CPSF2: variants seen among roughly 807,000 people sequenced by gnomAD.
CPSF2 encodes cleavage and polyadenylation specific factor 2.
In CPSF2, 51 loss-of-function variants were observed where a neutral mutation model predicts 84.2. The observed-to-expected ratio is 0.61, with a 90% CI of 0.48 to 0.77. The LOEUF (loss-of-function observed/expected upper bound fraction) is 0.77, where lower values mean the gene tolerates loss of function less well. CPSF2 is among the 30% of genes least tolerant of loss of function. CPSF2 has a pLI of 0.00. For synonymous variants in CPSF2, 286 were observed against 311.9 expected (o/e 0.92, Z 0.87); for missense variants, 641 against 929.4 (o/e 0.69, Z 4.03).
At chr14:92,143,436 G>T in intron 9 of CPSF2, 142 bp downstream of exon 9, 1 of 673,520 alleles carries the variant, frequency 1.5e-6, no homozygotes, top group Admixed American at 3.0e-5. Flanking sequence ...AGGAGTGGTG[G>T]TGTGTGCTGT....
Position 92,134,341 on chromosome 14 carries a change from T to C in CPSF2, c.401T>C (p.Ile134Thr). The change falls in exon 5 of 16, where the codon ATT becomes ACT. Residue 134 changes from isoleucine to threonine, a missense_variant. Ile to Thr is a moderately conservative substitution (Grantham distance 89, BLOSUM62 -1). Transcript: ENST00000298875. The stretch of plus-strand genomic sequence containing the variant: ...ATACAGCAGCTAAAATTCTCTCAGA[T>C]TGTGAATTTGAAAGGTAAAAAGAAT... ...DKIQQLKFSQ[I>T]VNLKGKGHGL... is the part of the protein sequence containing the mutation. The C allele has an allele frequency of 6.2e-7, 1 of 1,609,180 alleles. No homozygotes were observed. The highest frequency in any genetic ancestry group is 8.5e-7 in the Non-Finnish European group (1 of 1,176,926).
intron 9 of CPSF2, among the ~76,000 whole-genome samples, chr14:92,147,505 A>G (rs1161057762): frequency 2.6e-5 from 4 of 152,204 alleles, no homozygotes; most frequent in Non-Finnish European, 5.9e-5. Context: ...TAAATGAAAA[A>G]TAAGATGGAG....
At chr14:92,152,169 G>A (rs986426882) in intron 9 of CPSF2, among the ~76,000 whole-genome samples, 5 of 151,418 alleles carry the variant, frequency 3.3e-5, no homozygotes, top group African/African-American at 1.2e-4. Flanking sequence ...CGCTCTTGTT[G>A]CCCAGGCTGG....
intron 9 of CPSF2, among the ~76,000 whole-genome samples, chr14:92,148,334 T>G (rs1375219263): frequency 6.6e-6 from 1 of 152,200 alleles, no homozygotes; most frequent in Admixed American, 6.6e-5. Context: ...AAATATTTTA[T>G]CATTATCTCT....
rs765578064 is a variant in CPSF2 at position 92,157,635 on chromosome 14, T to TCA, written c.1596-24_1596-23insCA. ...TTTTAGAATTATGAGAAAAGTAATC[T>TCA]TGAATAATCATATCTAATTACAGAG... On this transcript the variant is annotated intron_variant, in intron 12 of 15. Coordinates refer to ENST00000298875, the MANE Select transcript of CPSF2 (RefSeq NM_017437.3). This position sits in a 1 kb window ranked among gnomAD's most constrained non-coding sequence, Gnocchi z 4.0. The TCA allele has an allele frequency of 6.4e-7, 1 of 1,555,124 alleles. No homozygotes were observed. Among genetic ancestry groups the TCA allele is most frequent in the South Asian group, 1.1e-5 (1 of 88,606 alleles).
chr14:92,156,302 A>T (rs2069289217), intron 11 of CPSF2, among the ~76,000 whole-genome samples, 177 bp from the exon 12 acceptor site: 1 of 152,126 alleles, frequency 6.6e-6, no homozygotes, highest in Admixed American at 6.6e-5. Context: ...AAAACCAAAA[A>T]ACGCAATACA....
intron 2 of CPSF2, among the ~76,000 whole-genome samples, chr14:92,128,064 T>C (rs1420753572): frequency 6.6e-6 from 1 of 152,114 alleles, no homozygotes; most frequent in Non-Finnish European, 1.5e-5. Flanking sequence ...CCTTTGGCCA[T>C]GAATTTAAAG....
chr14:92,156,499 C>T lies in CPSF2; in HGVS notation c.1463C>T (p.Pro488Leu). 1 of 1,611,192 alleles carries T rather than the reference C, an allele frequency of 6.2e-7. No homozygotes were observed. The highest frequency in any genetic ancestry group is 8.5e-7 in the Non-Finnish European group (1 of 1,179,212). ...EIIKPEDFLV[P>L]ELQATEEEKS... ...TTTAGACCAGAGGATTTCTTAGTGCCAGAGCTTCAAGCTACTGAAGAAGAA... is the reference window on the plus strand; with the variant it reads ...TTTAGACCAGAGGATTTCTTAGTGCTAGAGCTTCAAGCTACTGAAGAAGAA... Residue 488 changes from proline (P) to leucine (L), a missense_variant, in exon 12 of 16, where the codon CCA (proline) becomes CTA (leucine). Pro to Leu is a moderately conservative substitution (Grantham distance 98). Around this residue, in one of 2 missense-constraint regions of CPSF2, gnomAD observed 430 missense variants for 553.6 expected, o/e 0.78. Transcript: ENST00000298875.
Position 92,159,256 on chromosome 14 carries a change from A to G in CPSF2, c.2095A>G (p.Thr699Ala), listed in dbSNP as rs149068504. The change falls in exon 14 of 16, where the codon ACT becomes GCT. Residue 699 changes from threonine to alanine, a missense_variant. By Grantham distance (58) the Thr-to-Ala change is moderately conservative (BLOSUM62 0). Transcript: ENST00000298875. The part of the protein sequence containing the change: ...ETGEESEIIP[T>A]LEPLPPHEVP... ...AGGTGAAGAAAGTGAGATCATTCCTACTTTGGAACCCTTGCCACCTCATGA... is the reference window on the plus strand; with the variant it reads ...AGGTGAAGAAAGTGAGATCATTCCTGCTTTGGAACCCTTGCCACCTCATGA... 3 of 1,605,258 alleles carry G rather than the reference A, an allele frequency of 1.9e-6. No individual in the cohort carries two copies. The highest frequency in any genetic ancestry group is 1.1e-5 in the South Asian group (1 of 89,864).
chr14:92,128,389 A>G (rs1193525587), intron 2 of CPSF2, among the ~76,000 whole-genome samples: 2 of 152,352 alleles, frequency 1.3e-5, no homozygotes, highest in South Asian at 4.1e-4. Context: ...TGGCTGAGGC[A>G]GGAGAATCAC....
intron 5 of CPSF2, 108 bp from the exon 6 acceptor site, chr14:92,135,259 T>C (rs2068983917): frequency 2.1e-6 from 2 of 972,572 alleles, no homozygotes; most frequent in Admixed American, 2.9e-5. Context: ...TTGAAATTTG[T>C]ATTATTGCAT....
At chr14:92,145,270 G>C (rs2069129263) in intron 9 of CPSF2, among the ~76,000 whole-genome samples, 1 of 152,076 alleles carries the variant, frequency 6.6e-6, no homozygotes, top group South Asian at 2.1e-4. Context: ...CTCTCACTCT[G>C]TCACCCAGCC....
intron 15 of CPSF2, 28 bp downstream of exon 15, chr14:92,161,274 T>A: frequency 6.3e-7 from 1 of 1,591,960 alleles, no homozygotes; most frequent in Non-Finnish European, 8.5e-7. Flanking sequence ...AAGGGCTGAA[T>A]TGAACACATA....
chr14:92,169,151 CTT>C lies in CPSF2; in HGVS notation c.*7409_*7410del, dbSNP rs1281806355. On this transcript the variant is annotated 3_prime_UTR_variant, in exon 16 of 16. Transcript: ENST00000298875. ...CTATCAGACGTAACTCTGTGGGAAACTTTATTCCAAGGGTGCTGCCACTGCCC... is the reference window on the plus strand; with the variant it reads ...CTATCAGACGTAACTCTGTGGGAAACTATTCCAAGGGTGCTGCCACTGCCC... The C allele has an allele frequency of 2.0e-5, 3 of 152,136 alleles. No individual in the cohort carries two copies. Among genetic ancestry groups the C allele is most frequent in the East Asian group, 3.9e-4 (2 of 5,190 alleles). 9.4% of individuals were successfully genotyped at this position (152,136 alleles called of 1,614,324 possible).
intron 9 of CPSF2, among the ~76,000 whole-genome samples, chr14:92,145,594 G>T (rs1193682291): frequency 6.6e-6 from 1 of 152,064 alleles, no homozygotes; most frequent in Non-Finnish European, 1.5e-5. Flanking sequence ...GGTGTCTTTG[G>T]GGTTATTTAG....
chr14:92,159,038 C>T lies in CPSF2; in HGVS notation c.1877C>T (p.Ala626Val), dbSNP rs765171535. The T allele has an allele frequency of 6.2e-7, 1 of 1,613,918 alleles. No homozygotes were observed. Among genetic ancestry groups the T allele is most frequent in the Non-Finnish European group, 8.5e-7 (1 of 1,179,910 alleles). ...CTTCAGTTTTGTAAGGCAAAAGATG[C>T]TGAATTAGCTTGGATAGATGGTGTC... ...SSLQFCKAKD[A>V]ELAWIDGVLD... is the part of the protein sequence containing the mutation. Residue 626 changes from alanine to valine, a missense_variant, in exon 14 of 16, where the codon GCT becomes GTT. This residue lies in a region of CPSF2 where 430 missense variants were observed against 553.6 expected (regional missense o/e 0.78). Coordinates refer to ENST00000298875, the MANE Select transcript of CPSF2 (RefSeq NM_017437.3).
In CPSF2 at chr14:92,166,500, C is replaced by T. The variant is rs1028417664; in HGVS notation, c.*4756C>T. On this transcript the variant is annotated 3_prime_UTR_variant, in exon 16 of 16. Coordinates refer to ENST00000298875, the MANE Select transcript of CPSF2 (RefSeq NM_017437.3). Reference sequence around the variant, plus strand: ...TAGCTGAGATTACAAGTGTGTGCCACCATGCCTGACTAATTTTTAAAATTT... The same window carrying T: ...TAGCTGAGATTACAAGTGTGTGCCATCATGCCTGACTAATTTTTAAAATTT... The T allele has an allele frequency of 3.9e-5, 6 of 152,278 alleles. No individual in the cohort carries two copies. Among genetic ancestry groups the T allele is most frequent in the Admixed American group, 1.3e-4 (2 of 15,282 alleles). 9.4% of individuals were successfully genotyped at this position (152,278 alleles called of 1,614,324 possible). A position where few individuals can be genotyped will look rare whatever the true frequency, so the allele number is the denominator to read the frequency against.
In CPSF2 at chr14:92,157,559, AT is replaced by A; in HGVS notation, c.1596-97del. 1 of 717,018 alleles carries A rather than the reference AT, an allele frequency of 1.4e-6. No homozygotes were observed. The highest frequency in any genetic ancestry group is 1.9e-5 in the South Asian group (1 of 52,760). The allele number at this position is 717,018 out of a possible 1,614,324, so 44.4% of individuals were successfully genotyped here. A position where few individuals can be genotyped will look rare whatever the true frequency, so the allele number is the denominator to read the frequency against. The stretch of plus-strand genomic sequence containing the variant: ...ATCATACAGATACTATAACATGTGT[AT>A]TTCTCAAATCCTAGTGTTATATATT... On this transcript the variant is annotated intron_variant, in intron 12 of 15. Transcript: ENST00000298875. This position sits in a 1 kb window ranked among gnomAD's most constrained non-coding sequence, Gnocchi z 4.0.
Position 92,158,963 on chromosome 14 carries a change from C to T in CPSF2, c.1822-20C>T. The T allele has an allele frequency of 1.3e-6, 2 of 1,573,872 alleles. No homozygotes were observed. The highest frequency in any genetic ancestry group is 1.7e-6 in the Non-Finnish European group (2 of 1,159,126). ...GTATTCTGTGGGTTTTATTTCTCTC[C>T]CCCTCCTTTGCATGTCTAGGTGAGG... is the stretch of plus-strand genomic sequence containing the variant. On this transcript the variant is annotated intron_variant, in intron 13 of 15. Coordinates refer to ENST00000298875, the MANE Select transcript of CPSF2 (RefSeq NM_017437.3).
Sources: gnomAD v4.1 joint callset for allele counts (sites outside exome capture counted in the v4.1 genomes callset) on GRCh38, gnomAD v4.1.1 for gene constraint, gnomAD v4.1.1 regional missense constraint, Gnocchi (gnomAD v3.1) non-coding constraint, MANE v1.5 for transcripts, NCBI Gene and HGNC (gene_info 2026-07-23, HGNC 2026-07-21) for gene names.